EPHA3: variants seen among roughly 807,000 people sequenced by gnomAD.
The protein encoded by EPHA3 is EPH receptor A3.
In EPHA3, 42 loss-of-function variants were observed where a neutral mutation model predicts 107.1. The ratio of observed to expected loss-of-function variants is 0.39; its 90% CI spans 0.31 to 0.51. EPHA3 has a LOEUF of 0.51. EPHA3 is among the 20% of genes least tolerant of loss of function. The pLI is 0.78. For synonymous variants in EPHA3, 461 were observed against 424.8 expected, an observed-to-expected ratio of 1.09 and a Z score of -1.05; for missense variants, 1,183 against 1,211.2, an observed-to-expected ratio of 0.98 and a Z score of 0.35.
At chr3:89,283,344 C>T (rs1705994224) in intron 3 of EPHA3, among the ~76,000 whole-genome samples, 1 of 151,960 alleles carries the variant, frequency 6.6e-6, no homozygotes, top group South Asian at 2.1e-4. Context: ...TGACATTTAT[C>T]TGGTGGGGGC....
chr3:89,435,548 GTA>G (rs911319719), intron 13 of EPHA3, among the ~76,000 whole-genome samples: 24 of 139,232 alleles, frequency 1.7e-4, no homozygotes, highest in African/African-American at 4.7e-4. Flanking sequence ...TCTATATAAA[GTA>G]TATATATACT....
At chr3:89,350,515 C>T (rs1243629566) in intron 5 of EPHA3, among the ~76,000 whole-genome samples, 1 of 150,280 alleles carries the variant, frequency 6.7e-6, no homozygotes, top group East Asian at 1.9e-4. Flanking sequence ...GTTATACATT[C>T]TTCTAAATTT....
At chr3:89,377,429 A>T (rs115041951) in intron 5 of EPHA3, among the ~76,000 whole-genome samples, 1,852 of 152,266 alleles carry the variant, frequency 0.012, 17 homozygotes, top group Middle Eastern at 0.024. Context: ...AAAGCCAAAA[A>T]TCCATTTAAC....
At chr3:89,438,530 A>C (rs769418118) in intron 13 of EPHA3, among the ~76,000 whole-genome samples, 1 of 152,194 alleles carries the variant, frequency 6.6e-6, no homozygotes, top group Non-Finnish European at 1.5e-5. Context: ...AAATAACAGA[A>C]AACAGGAGCC....
chr3:89,427,015 T>C (rs1709470538), intron 11 of EPHA3, among the ~76,000 whole-genome samples: 1 of 151,840 alleles, frequency 6.6e-6, no homozygotes, highest in Non-Finnish European at 1.5e-5. Context: ...TGAATATTGT[T>C]TAATCAAAGT....
intron 5 of EPHA3, among the ~76,000 whole-genome samples, chr3:89,370,861 T>G (rs1238489640): frequency 6.6e-6 from 1 of 151,634 alleles, no homozygotes; most frequent in Non-Finnish European, 1.5e-5. Context: ...TTGGGCAAAG[T>G]GTTAAGAAGT....
chr3:89,232,752 G>A (rs1293556949), intron 3 of EPHA3, among the ~76,000 whole-genome samples: 1 of 152,142 alleles, frequency 6.6e-6, no homozygotes, highest in Non-Finnish European at 1.5e-5. Context: ...TAGCCAAGAA[G>A]AAATTGAAGT....
intron 3 of EPHA3, among the ~76,000 whole-genome samples, chr3:89,309,655 A>G (rs1241462005): frequency 6.6e-6 from 1 of 152,126 alleles, no homozygotes; most frequent in African/African-American, 2.4e-5. Flanking sequence ...TACTGTTGTT[A>G]TTATTATTCT....
At chr3:89,160,573 T>TGG in intron 2 of EPHA3, among the ~76,000 whole-genome samples, 1 of 139,764 alleles carries the variant, frequency 7.2e-6, no homozygotes. Context: ...TGTGTGTGTG[T>TGG]GTGTGTGTGT....
intron 3 of EPHA3, among the ~76,000 whole-genome samples, chr3:89,226,207 T>G (rs2107216064): frequency 6.6e-6 from 1 of 152,258 alleles, no homozygotes; most frequent in Admixed American, 6.6e-5. Flanking sequence ...GTGGACAAAC[T>G]ATGTAACCAT....
chr3:89,352,180 A>C (rs1208572914), intron 5 of EPHA3, among the ~76,000 whole-genome samples: 1 of 151,386 alleles, frequency 6.6e-6, no homozygotes, highest in Non-Finnish European at 1.5e-5. Flanking sequence ...TGCTTTAGAC[A>C]GAATGACCTC....
At chr3:89,253,435 C>A (rs1705208438) in intron 3 of EPHA3, among the ~76,000 whole-genome samples, 1 of 152,046 alleles carries the variant, frequency 6.6e-6, no homozygotes, top group African/African-American at 2.4e-5. Context: ...CAAAAGTTCT[C>A]AAAAACATAC....
Position 89,262,451 on chromosome 3 carries a change from T to G in EPHA3, c.814+51931T>G, listed in dbSNP as rs78952398. ...TGGCATTCCCTGGCTTGTAGCTATG[T>G]CACTCTCATTTTTGTCTCAGTCTTC... On this transcript the variant is annotated intron_variant, in intron 3 of 16. Transcript: ENST00000336596. Among the ~76,000 whole-genome samples, 38 of 152,322 alleles carry G rather than the reference T, an allele frequency of 2.5e-4. No individual in the cohort carries two copies. In the East Asian group the frequency reaches 6.8e-3, roughly 27 times the overall value.
At chr3:89,244,391 G>A (rs1704982194) in intron 3 of EPHA3, among the ~76,000 whole-genome samples, 1 of 151,918 alleles carries the variant, frequency 6.6e-6, no homozygotes, top group African/African-American at 2.4e-5. Flanking sequence ...AAAATGATAT[G>A]AGCTAATAGT....
At chr3:89,154,349 C>G (rs115996203) in intron 2 of EPHA3, among the ~76,000 whole-genome samples, 2,025 of 151,256 alleles carry the variant, frequency 0.013, 52 homozygotes, top group African/African-American at 0.047. Flanking sequence ...CTGTTAAATG[C>G]ATGAATAAGT....
intron 3 of EPHA3, among the ~76,000 whole-genome samples, chr3:89,230,787 TTCTC>T (rs58085750): frequency 1.5e-5 from 2 of 133,222 alleles, no homozygotes; most frequent in Non-Finnish European, 3.2e-5. Flanking sequence ...ATATACATAT[TTCTC>T]TCTCTCTCTC....
At chr3:89,232,255 A>G (rs1274248968) in intron 3 of EPHA3, among the ~76,000 whole-genome samples, 1 of 152,152 alleles carries the variant, frequency 6.6e-6, no homozygotes, top group Non-Finnish European at 1.5e-5. Flanking sequence ...TAAAGAATGA[A>G]GAGCAAAAAA....
intron 3 of EPHA3, among the ~76,000 whole-genome samples, chr3:89,272,896 A>C (rs1705710587): frequency 6.6e-6 from 1 of 151,928 alleles, no homozygotes; most frequent in South Asian, 2.1e-4. Flanking sequence ...ATGTTCTCTG[A>C]TGGTCACTGT....
At chr3:89,253,887 A>T (rs1705219299) in intron 3 of EPHA3, among the ~76,000 whole-genome samples, 1 of 152,054 alleles carries the variant, frequency 6.6e-6, no homozygotes, top group Non-Finnish European at 1.5e-5. Flanking sequence ...TTTGATCATT[A>T]TAGGAGTTGA....
Sources: gnomAD v4.1 joint callset for allele counts (sites outside exome capture counted in the v4.1 genomes callset) on GRCh38, gnomAD v4.1.1 for gene constraint, MANE v1.5 for transcripts, NCBI Gene and HGNC (gene_info 2026-07-23, HGNC 2026-07-21) for gene names.